KIF5C: variants seen among roughly 807,000 people sequenced by gnomAD.
KIF5C encodes the protein kinesin heavy chain isoform 5C.
In KIF5C, 18 loss-of-function variants were observed where a neutral mutation model predicts 125.2. That is an observed-to-expected ratio of 0.14 (90% confidence interval 0.10 to 0.21). KIF5C has a LOEUF of 0.21. Among genes scored for constraint, KIF5C ranks in the 10% least tolerant of loss-of-function variants. KIF5C has a pLI of 1.00. For missense variants in KIF5C, 780 were observed against 1,183.8 expected, an observed-to-expected ratio of 0.66 and a Z score of 5.01; for synonymous variants, 405 against 434.0, an observed-to-expected ratio of 0.93 and a Z score of 0.83.
At chr2:148,915,531 AATTTTAGCAAGG>A (rs1255456225) in intron 1 of KIF5C, among the ~76,000 whole-genome samples, 2 of 152,216 alleles carry the variant, frequency 1.3e-5, no homozygotes, top group Admixed American at 1.3e-4. Context: ...CAGCTTGTTG[AATTTTAGCAAGG>A]ATTTCAATTT....
At chr2:148,877,583 G>A (rs948241555) in intron 1 of KIF5C, among the ~76,000 whole-genome samples, 3 of 152,226 alleles carry the variant, frequency 2.0e-5, no homozygotes, top group Admixed American at 6.5e-5. Flanking sequence ...AGATAGAGTG[G>A]GAGTTACTGG....
intron 12 of KIF5C, among the ~76,000 whole-genome samples, chr2:148,976,530 A>T (rs1574805691): frequency 6.7e-6 from 1 of 149,628 alleles, no homozygotes; most frequent in South Asian, 2.1e-4. Context: ...GGCCTCCCAA[A>T]GTGCTGGGAT....
rs181075488 is a variant in KIF5C at position 148,958,330 on chromosome 2, A to G, written c.969-3641A>G. Among the ~76,000 whole-genome samples, 6 of 152,312 alleles carry G rather than the reference A, an allele frequency of 3.9e-5. No individual in the cohort carries two copies. The East Asian group carries it at 9.7e-4, about 25-fold the overall frequency. On this transcript the variant is annotated intron_variant, in intron 10 of 25. Coordinates refer to ENST00000435030, the MANE Select transcript of KIF5C (RefSeq NM_004522.3). ...TAGTTGACTGTTATAGTCATTGCTCATTCTCAGCAACAGTTGGCATTATCA... is the reference window on the plus strand; with the variant it reads ...TAGTTGACTGTTATAGTCATTGCTCGTTCTCAGCAACAGTTGGCATTATCA...
At chr2:148,965,742 A>G (rs573636052) in intron 11 of KIF5C, among the ~76,000 whole-genome samples, 4 of 152,304 alleles carry the variant, frequency 2.6e-5, no homozygotes, top group African/African-American at 9.6e-5. Flanking sequence ...AACGTCCCCA[A>G]GTGGATCAGT....
chr2:148,994,207 G>C (rs1681602730), intron 16 of KIF5C, among the ~76,000 whole-genome samples: 1 of 152,146 alleles, frequency 6.6e-6, no homozygotes, highest in Non-Finnish European at 1.5e-5. Context: ...GGTGTCTGTG[G>C]GGAATGAAGC....
chr2:148,996,400 GAGT>G (rs1276031796), intron 17 of KIF5C, among the ~76,000 whole-genome samples: 1 of 152,228 alleles, frequency 6.6e-6, no homozygotes. Context: ...GGCATGTTAG[GAGT>G]AGGTGCACCA....
intron 7 of KIF5C, among the ~76,000 whole-genome samples, chr2:148,943,078 CTCA>C (rs1682444205): frequency 6.6e-6 from 1 of 151,830 alleles, no homozygotes; most frequent in Non-Finnish European, 1.5e-5. Context: ...AAAGAGTAAG[CTCA>C]TCAGTTTATT....
chr2:148,976,245 T>TTTTTTTTA (rs1553468292), intron 12 of KIF5C, among the ~76,000 whole-genome samples: 315 of 143,934 alleles, frequency 2.2e-3, no homozygotes, highest in African/African-American at 6.7e-3. Context: ...TATTATTTTG[T>TTTTTTTTA]TTTATTTATT....
chr2:148,969,422 A>AGTGTGTGTGTGT (rs151238332), intron 11 of KIF5C, among the ~76,000 whole-genome samples: 2,065 of 141,290 alleles, frequency 0.015, 44 homozygotes, highest in African/African-American at 0.048. Flanking sequence ...GAAGGTTTCC[A>AGTGTGTGTGTGT]GTGTGTGTGT....
chr2:148,983,476 T>C, intron 14 of KIF5C, 144 bp from the exon 15 acceptor site: 5 of 1,147,266 alleles, frequency 4.4e-6, no homozygotes, highest in Non-Finnish European at 4.6e-6. Flanking sequence ...TGCAGTGCTA[T>C]GCGAGAGTTT....
Position 149,007,951 on chromosome 2 carries a change from G to A in KIF5C, c.2446-12G>A. 1 of 1,585,832 alleles carries A rather than the reference G, an allele frequency of 6.3e-7. No individual in the cohort carries two copies. The highest frequency in any genetic ancestry group is 1.7e-5 in the Admixed American group (1 of 59,424). ...GACAGCCTGTCCTGCTGACCCCTTG[G>A]TGTCAATGCAGAGTGTGGAGTTGGA... On this transcript the variant is annotated splice_polypyrimidine_tract_variant and intron_variant, in intron 22 of 25. Transcript: ENST00000435030.
In KIF5C at chr2:149,011,587, G is replaced by A. The variant is rs372092875; in HGVS notation, c.2785G>A (p.Gly929Arg). Residue 929 changes from glycine to arginine, a missense_variant, in exon 25 of 26, where the codon GGA becomes AGA. Physicochemically the swap from Gly to Arg is moderately radical, Grantham distance 125. Around this residue, in one of 2 missense-constraint regions of KIF5C, gnomAD observed 573 missense variants for 742.6 expected, o/e 0.77. Coordinates refer to ENST00000435030, the MANE Select transcript of KIF5C (RefSeq NM_004522.3). ...SAQIAKPIRP[G>R]HYPASSPTAV... ...GGATACAGCCAAGCCCATCCGCCCC[G>A]GACACTACCCGGCCTCATCTCCAAC... The A allele has an allele frequency of 9.3e-6, 15 of 1,613,858 alleles. No homozygotes were observed. Among genetic ancestry groups the A allele is most frequent in the Admixed American group, 3.3e-5 (2 of 60,006 alleles).
intron 10 of KIF5C, 36 bp from the exon 11 acceptor site, chr2:148,961,935 A>C: frequency 1.3e-6 from 2 of 1,594,324 alleles, no homozygotes; most frequent in Non-Finnish European, 1.7e-6. Flanking sequence ...AATGGTAATA[A>C]TTAGCTGAAT....
At position 148,924,284 on chromosome 2, in the gene KIF5C, C is replaced by G. The variant is rs1045085734; in HGVS notation, c.217+2057C>G. On this transcript the variant is annotated intron_variant, in intron 2 of 25. Coordinates refer to ENST00000435030, the MANE Select transcript of KIF5C (RefSeq NM_004522.3). The surrounding 1 kb of genome is among the most constrained non-coding windows in gnomAD (Gnocchi z 4.0). ...GATTGGGAGGCGGTGCTGTGGAGCC[C>G]TTTTTTTCTAGAGGCTAATAATTAA... 6.6e-6 allele frequency among the ~76,000 whole-genome samples: 1 copy of G among 152,050 alleles called. No homozygotes were observed. The highest frequency in any genetic ancestry group is 2.4e-5 in the African/African-American group (1 of 41,414).
At chr2:148,980,924 G>C (rs1429666464) in intron 13 of KIF5C, among the ~76,000 whole-genome samples, 1 of 151,712 alleles carries the variant, frequency 6.6e-6, no homozygotes, top group African/African-American at 2.4e-5. Flanking sequence ...TGGCCAGGCT[G>C]TTTGTGAACT....
chr2:148,951,974 AAAT>A (rs1682676699), intron 10 of KIF5C, among the ~76,000 whole-genome samples: 1 of 152,184 alleles, frequency 6.6e-6, no homozygotes, highest in South Asian at 2.1e-4. Context: ...ATGTCTAAAT[AAAT>A]AATAATTATA....
intron 1 of KIF5C, among the ~76,000 whole-genome samples, chr2:148,880,954 GTT>G (rs371343902): frequency 8.5e-4 from 110 of 129,190 alleles, no homozygotes; most frequent in African/African-American, 2.9e-3. Flanking sequence ...AAAAAACCTA[GTT>G]TTTTTTTTTT....
intron 11 of KIF5C, among the ~76,000 whole-genome samples, chr2:148,964,275 C>CA (rs112943127): frequency 4.1e-3 from 534 of 128,956 alleles, no homozygotes; most frequent in Non-Finnish European, 5.5e-3. Flanking sequence ...AACTCCATCT[C>CA]AAAAAAAAAA....
intron 1 of KIF5C, among the ~76,000 whole-genome samples, chr2:148,907,844 G>A (rs573453315): frequency 6.8e-4 from 104 of 152,282 alleles, no homozygotes; most frequent in Non-Finnish European, 1.0e-3. Flanking sequence ...AGTGGTTAGC[G>A]ACCCGGGACA....
Sources: allele counts gnomAD v4.1 joint callset (sites outside exome capture counted in the v4.1 genomes callset), GRCh38; gene constraint gnomAD v4.1.1; regional missense constraint gnomAD v4.1.1; non-coding constraint Gnocchi (gnomAD v3.1); transcripts MANE v1.5; gene names NCBI Gene and HGNC (gene_info 2026-07-23, HGNC 2026-07-21).